Variants in WDPCP observed in about 807,000 individuals in gnomAD.
The protein encoded by WDPCP is WD repeat-containing and planar cell polarity effector protein fritz homolog.
WDPCP carries 71 observed loss-of-function variants against 93.1 expected under a neutral mutation model. The observed-to-expected ratio is 0.76, with a 90% confidence interval of 0.63 to 0.93. WDPCP has a LOEUF of 0.93. WDPCP is among the 40% of genes least tolerant of loss of function. The pLI, the probability that WDPCP is intolerant of heterozygous loss-of-function variation, is 0.00. For missense variants in WDPCP, 844 were observed against 887.4 expected (o/e 0.95, Z 0.62); for synonymous variants, 315 against 315.0 (o/e 1.00, Z 0.00).
chr2:63,313,667 T>C (rs1686360316), intron 12 of WDPCP, among the ~76,000 whole-genome samples: 1 of 151,938 alleles, frequency 6.6e-6, no homozygotes, highest in South Asian at 2.1e-4. Flanking sequence ...CAATTGTGTT[T>C]ATTTTGTGAA....
intron 2 of WDPCP, among the ~76,000 whole-genome samples, chr2:63,659,615 T>C (rs1710205169): frequency 6.6e-6 from 1 of 152,218 alleles, no homozygotes. Flanking sequence ...TGGATTCTCC[T>C]CTAGAGCCTT....
intron 17 of WDPCP, among the ~76,000 whole-genome samples, chr2:63,122,575 T>C (rs1295377059): frequency 1.3e-5 from 2 of 152,182 alleles, no homozygotes; most frequent in Admixed American, 1.3e-4. Flanking sequence ...TATTTCCCAT[T>C]TGTTATTCTT....
chr2:63,816,878 T>C (rs1670939930), intron 1 of WDPCP, among the ~76,000 whole-genome samples: 1 of 152,220 alleles, frequency 6.6e-6, no homozygotes, highest in South Asian at 2.1e-4. Context: ...CACTCAGACG[T>C]GCACTGTGTA....
intron 3 of WDPCP, chr2:63,595,635 T>C: frequency 3.0e-6 from 2 of 668,040 alleles, no homozygotes; most frequent in Non-Finnish European, 5.3e-6. Flanking sequence ...GATTTTTTTA[T>C]TTTGAACTAC....
intron 2 of WDPCP, among the ~76,000 whole-genome samples, chr2:63,779,517 C>T (rs1054077031): frequency 3.9e-5 from 6 of 152,070 alleles, no homozygotes; most frequent in Non-Finnish European, 8.8e-5. Context: ...ATTCTGATTC[C>T]ACTTGAGGCT....
At chr2:63,272,640 A>T (rs943995278) in intron 13 of WDPCP, among the ~76,000 whole-genome samples, 5 of 152,360 alleles carry the variant, frequency 3.3e-5, no homozygotes, top group Admixed American at 1.3e-4. Context: ...GATATCATTT[A>T]AAAAATTCTG....
chr2:63,240,892 C>T (rs1210593744), intron 14 of WDPCP, among the ~76,000 whole-genome samples: 1 of 151,912 alleles, frequency 6.6e-6, no homozygotes, highest in East Asian at 1.9e-4. Context: ...CATTTTATGA[C>T]TAGGTAAGTT....
intron 15 of WDPCP, among the ~76,000 whole-genome samples, chr2:63,154,468 A>C (rs1672100348): frequency 6.6e-6 from 1 of 152,142 alleles, no homozygotes. Context: ...CAAGTTGTTA[A>C]ACGTGTATCA....
intron 14 of WDPCP, among the ~76,000 whole-genome samples, chr2:63,227,276 T>C (rs1292989786): frequency 1.3e-5 from 2 of 151,918 alleles, no homozygotes; most frequent in African/African-American, 2.4e-5. Context: ...CTGAAGGAAT[T>C]GCTTAGATCA....
chr2:63,339,764 T>C (rs942004667), intron 12 of WDPCP, among the ~76,000 whole-genome samples: 8 of 152,194 alleles, frequency 5.3e-5, no homozygotes, highest in Non-Finnish European at 1.0e-4. Flanking sequence ...CATCCTTGTC[T>C]TTTCCAATGC....
intron 2 of WDPCP, among the ~76,000 whole-genome samples, chr2:63,773,096 T>C (rs1312977958): frequency 1.3e-5 from 2 of 151,922 alleles, no homozygotes; most frequent in African/African-American, 2.4e-5. Context: ...ATTTCACTCC[T>C]ATATATATAT....
intron 2 of WDPCP, among the ~76,000 whole-genome samples, chr2:63,707,976 G>A (rs1054079254): frequency 2.0e-5 from 3 of 152,142 alleles, no homozygotes; most frequent in East Asian, 1.9e-4. Flanking sequence ...CTGCTTGATC[G>A]TTCCTCTGGA....
At chr2:63,337,802 T>C (rs7567098) in intron 12 of WDPCP, among the ~76,000 whole-genome samples, 83,461 of 152,036 alleles carry the variant, frequency 0.55, 23,348 homozygotes, top group Admixed American at 0.63. Context: ...ATGTCTTCTT[T>C]TGAAAAATGT....
At chr2:63,302,427 A>G (rs983380349) in intron 13 of WDPCP, among the ~76,000 whole-genome samples, 5 of 152,320 alleles carry the variant, frequency 3.3e-5, no homozygotes. Context: ...AGACTTTTCT[A>G]TGGTGTTTTT....
At position 63,315,805 on chromosome 2, in the gene WDPCP, T is replaced by A. The variant is rs1006637966; in HGVS notation, c.1749-2494A>T. ...CTGGGTCTTGCTCTGTTACCCAAGC[T>A]GGAGTACAGCAGCGTGATTATAGCT... is the stretch of plus-strand genomic sequence containing the variant. On this transcript the variant is annotated intron_variant, in intron 12 of 17. Coordinates refer to ENST00000272321, the MANE Select transcript of WDPCP (RefSeq NM_015910.7). Among the ~76,000 whole-genome samples, 8 of 152,222 alleles carry A rather than the reference T, an allele frequency of 5.3e-5. No individual in the cohort carries two copies. In the East Asian group the frequency reaches 1.2e-3, roughly 22 times the overall value.
chr2:63,247,402 A>G (rs1227130040), intron 14 of WDPCP, among the ~76,000 whole-genome samples: 3 of 152,200 alleles, frequency 2.0e-5, no homozygotes, highest in African/African-American at 7.2e-5. Context: ...TTATGAATGA[A>G]TGTGTAAGAA....
chr2:63,341,698 A>G (rs1414472885), intron 12 of WDPCP, among the ~76,000 whole-genome samples: 1 of 152,116 alleles, frequency 6.6e-6, no homozygotes, highest in Non-Finnish European at 1.5e-5. Flanking sequence ...TGTTTGCTTC[A>G]TATATCTTGG....
At chr2:63,645,189 T>C (rs1710033408) in intron 3 of WDPCP, among the ~76,000 whole-genome samples, 2 of 152,176 alleles carry the variant, frequency 1.3e-5, no homozygotes, top group Non-Finnish European at 2.9e-5. Context: ...ACAAAGGTTT[T>C]GGTATGTTGT....
At chr2:63,299,235 T>G (rs982511304) in intron 13 of WDPCP, among the ~76,000 whole-genome samples, 11 of 152,224 alleles carry the variant, frequency 7.2e-5, no homozygotes, top group African/African-American at 2.7e-4. Context: ...GGGTCCAGCT[T>G]ATGAAGGAGG....
Sources: allele counts gnomAD v4.1 joint callset (sites outside exome capture counted in the v4.1 genomes callset), GRCh38; gene constraint gnomAD v4.1.1; transcripts MANE v1.5; gene names NCBI Gene and HGNC (gene_info 2026-07-23, HGNC 2026-07-21).